IFT172: variants seen among roughly 807,000 people sequenced by gnomAD.
IFT172 encodes intraflagellar transport protein 172 homolog.
IFT172 carries 164 observed loss-of-function variants against 248.9 expected under a neutral mutation model. That is an observed-to-expected ratio of 0.66 (90% CI 0.58 to 0.75). The LOEUF is 0.75. Ranked by LOEUF, IFT172 falls within the 30% of genes least tolerant of loss-of-function variation. The pLI, the probability that IFT172 is intolerant of heterozygous loss-of-function variation, is 0.00. For synonymous variants in IFT172, 729 were observed against 791.6 expected, an observed-to-expected ratio of 0.92 and a Z score of 1.33; for missense variants, 1,950 against 2,192.4, an observed-to-expected ratio of 0.89 and a Z score of 2.21.
chr2:27,470,524 G>A (rs1667481743), intron 16 of IFT172, among the ~76,000 whole-genome samples: 1 of 152,128 alleles, frequency 6.6e-6, no homozygotes, highest in Non-Finnish European at 1.5e-5. Flanking sequence ...AGACTACTGG[G>A]TATGTATGAT....
intron 7 of IFT172, 52 bp downstream of exon 7, chr2:27,483,237 A>C (rs1668512968): frequency 9.5e-7 from 1 of 1,049,436 alleles, no homozygotes; most frequent in African/African-American, 1.6e-5. Context: ...TGCTGGTCTC[A>C]AACTCCTGGA....
At position 27,445,685 on chromosome 2, in the gene IFT172, T is replaced by A; in HGVS notation, c.4914+60A>T. 6.3e-7 allele frequency: 1 copy of A among 1,578,358 alleles called. No individual in the cohort carries two copies. On this transcript the variant is annotated intron_variant, in intron 45 of 47. Coordinates refer to ENST00000260570, the MANE Select transcript of IFT172 (RefSeq NM_015662.3). The surrounding 1 kb of genome is among the most constrained non-coding windows in gnomAD (Gnocchi z 4.4). Reference sequence around the variant, plus strand: ...CAAAGATGGCAGCACAAAGATATTCTCCCTCCTCAAGGCACTCACACTGGT... The same window carrying A: ...CAAAGATGGCAGCACAAAGATATTCACCCTCCTCAAGGCACTCACACTGGT...
intron 16 of IFT172, among the ~76,000 whole-genome samples, chr2:27,468,178 A>G (rs796866436): frequency 4.0e-5 from 6 of 149,962 alleles, no homozygotes; most frequent in African/African-American, 1.2e-4. Flanking sequence ...AAAAAAAATT[A>G]TATCTAGACA....
intron 10 of IFT172, 39 bp downstream of exon 10, chr2:27,479,470 A>G (rs778883648): frequency 8.9e-7 from 1 of 1,125,014 alleles, no homozygotes; most frequent in African/African-American, 1.5e-5. Context: ...GGAATGAGCC[A>G]CGCAAGTTCT....
chr2:27,480,156 TA>T lies in IFT172; in HGVS notation c.786-8del, dbSNP rs767323342. Reference sequence around the variant, plus strand: ...CCAGTTGAACACCCGAAGCCTGAAATAAAGTATGTGGCTTTTAGAAGAGATT... The same window carrying T: ...CCAGTTGAACACCCGAAGCCTGAAATAAGTATGTGGCTTTTAGAAGAGATT... On this transcript the variant is annotated splice_region_variant and splice_polypyrimidine_tract_variant and intron_variant, in intron 8 of 47. Transcript: ENST00000260570. The T allele has an allele frequency of 1.2e-6, 2 of 1,612,584 alleles. No homozygotes were observed. The highest frequency in any genetic ancestry group is 1.7e-6 in the Non-Finnish European group (2 of 1,179,512).
chr2:27,472,412 A>C, intron 14 of IFT172, 50 bp from the exon 15 acceptor site: 2 of 1,412,718 alleles, frequency 1.4e-6, no homozygotes, highest in Non-Finnish European at 9.9e-7. Flanking sequence ...ACACATATAC[A>C]TAGTATGGCC....
chr2:27,458,799 G>A lies in IFT172; in HGVS notation c.2857C>T (p.Arg953Cys), dbSNP rs762645007. 35 of 1,613,956 alleles carry A rather than the reference G, an allele frequency of 2.2e-5. No individual in the cohort carries two copies. In the East Asian group the frequency reaches 4.0e-4, roughly 18 times the overall value. ...DAIDMYTQAG[R>C]WEQAHKLAMK... ...CCTACCTTGTGGGCTTGTTCCCAAC[G>A]ACCAGCCTGGGTGTACATGTCTATG... Residue 953 changes from arginine to cysteine, a missense_variant, in exon 26 of 48, where the codon CGT (arginine) becomes TGT (cysteine). Physicochemically the swap from Arg to Cys is radical, Grantham distance 180 (BLOSUM62 -3). Coordinates refer to ENST00000260570, the MANE Select transcript of IFT172 (RefSeq NM_015662.3).
At chr2:27,479,676 T>A in intron 9 of IFT172, 72 bp from the exon 10 acceptor site, 1 of 1,004,224 alleles carries the variant, frequency 1.0e-6, no homozygotes, top group Non-Finnish European at 1.6e-6. Flanking sequence ...TCTAGAGACA[T>A]CCTCAAAACC....
In IFT172 at chr2:27,472,314, C is replaced by T. The variant is rs368967337; in HGVS notation, c.1460G>A (p.Arg487His). Residue 487 changes from arginine to histidine, a missense_variant, in exon 15 of 48, where the codon CGT (arginine) becomes CAT (histidine). By Grantham distance (29) the Arg-to-His change is conservative (BLOSUM62 0). Around this residue, in one of 3 missense-constraint regions of IFT172, gnomAD observed 1,166 missense variants for 1,254.1 expected, o/e 0.93. Transcript: ENST00000260570. ...YNIGTVSHESRVDWLELNETG... is the reference protein window; with the variant it reads ...YNIGTVSHESHVDWLELNETG... ...CTCATTAAGTTCCAGCCAATCCACA[C>T]GGCTCTCATGGCTGACGGTGCCAAT... The T allele has an allele frequency of 2.2e-5, 35 of 1,614,030 alleles. No homozygotes were observed. Among genetic ancestry groups the T allele is most frequent in the South Asian group, 3.3e-5 (3 of 91,084 alleles).
chr2:27,457,519 G>A, intron 29 of IFT172, 120 bp downstream of exon 29: 1 of 817,652 alleles, frequency 1.2e-6, no homozygotes, highest in Non-Finnish European at 2.0e-6. Context: ...AGGCTGCAGT[G>A]AGCCATAATT....
Position 27,463,165 on chromosome 2 carries a change from C to T in IFT172, c.1954G>A (p.Gly652Ser). Residue 652 changes from glycine to serine, a missense_variant, in exon 19 of 48, where the codon GGC becomes AGC. Gly to Ser is a moderately conservative substitution (Grantham distance 56). Around this residue, in one of 3 missense-constraint regions of IFT172, gnomAD observed 1,166 missense variants for 1,254.1 expected, o/e 0.93. Transcript: ENST00000260570. ...AGGAATCGAGCTTTTGCTACTTGGC[C>T]CAAAGCAGAAAAGCACCTATGGCAT... ...HIAERCFSALGQVAKARFLHE... is the reference protein window; with the variant it reads ...HIAERCFSALSQVAKARFLHE... 1 of 1,613,936 alleles carries T rather than the reference C, an allele frequency of 6.2e-7. No homozygotes were observed. The highest frequency in any genetic ancestry group is 1.1e-5 in the South Asian group (1 of 91,072).
At chr2:27,487,389 A>T (rs887285379) in intron 1 of IFT172, among the ~76,000 whole-genome samples, 3 of 152,200 alleles carry the variant, frequency 2.0e-5, no homozygotes, top group African/African-American at 7.2e-5. Context: ...AAATAATAAG[A>T]GCTTGCCTTT....
intron 26 of IFT172, 92 bp from the exon 27 acceptor site, chr2:27,458,315 C>A: frequency 1.9e-6 from 2 of 1,037,678 alleles, no homozygotes; most frequent in East Asian, 2.4e-5. Flanking sequence ...ACTCTGAACT[C>A]TCCCAACAAT....
At chr2:27,444,817 T>G (rs1664896244) in intron 47 of IFT172, among the ~76,000 whole-genome samples, 197 bp downstream of exon 47, 1 of 152,072 alleles carries the variant, frequency 6.6e-6, no homozygotes, top group Non-Finnish European at 1.5e-5. Context: ...CCGGCTAACT[T>G]TTGTATTTTT....
chr2:27,462,600 G>T, intron 20 of IFT172, 101 bp downstream of exon 20: 1 of 995,274 alleles, frequency 1.0e-6, no homozygotes, highest in Non-Finnish European at 1.6e-6. Context: ...ACCTTTGGAA[G>T]CCTAGTTCAC....
intron 8 of IFT172, 147 bp downstream of exon 8, chr2:27,480,899 G>T: frequency 1.5e-6 from 1 of 652,420 alleles, no homozygotes; most frequent in Non-Finnish European, 2.7e-6. Flanking sequence ...CCAATGGATA[G>T]CGGGAGCAGG....
At chr2:27,461,145 G>A (rs1380502634) in intron 22 of IFT172, 52 bp from the exon 23 acceptor site, 5 of 1,613,782 alleles carry the variant, frequency 3.1e-6, no homozygotes, top group Admixed American at 3.3e-5. Flanking sequence ...AAAGAACTAA[G>A]TATTAGCTCC....
intron 7 of IFT172, among the ~76,000 whole-genome samples, chr2:27,483,028 G>A (rs538336609): frequency 7.6e-6 from 1 of 131,874 alleles, no homozygotes; most frequent in African/African-American, 2.9e-5. Flanking sequence ...TTTGAGACAC[G>A]GTCTTGTTCT....
At chr2:27,485,539 C>A (rs1668698268) in intron 1 of IFT172, 36 bp from the exon 2 acceptor site, 1 of 1,612,020 alleles carries the variant, frequency 6.2e-7, no homozygotes, top group Non-Finnish European at 8.5e-7. Context: ...AACCCATGTG[C>A]TGGTCTAGAA....
Sources: gnomAD v4.1 joint callset for allele counts (sites outside exome capture counted in the v4.1 genomes callset) on GRCh38, gnomAD v4.1.1 for gene constraint, gnomAD v4.1.1 regional missense constraint, Gnocchi (gnomAD v3.1) non-coding constraint, MANE v1.5 for transcripts, NCBI Gene and HGNC (gene_info 2026-07-23, HGNC 2026-07-21) for gene names.